The following RANBP10 variants were observed in gnomAD, a reference collection of about 807,000 sequenced individuals.
The protein encoded by RANBP10 is RAN binding protein 10, also known as ran-binding protein 10.
A neutral mutation model predicts 72.8 loss-of-function variants in RANBP10; 24 were observed. The observed-to-expected ratio is 0.33, with a 90% confidence interval of 0.24 to 0.46. The LOEUF is 0.46. Ranked by LOEUF, RANBP10 falls within the 20% of genes least tolerant of loss-of-function variation. RANBP10 has a pLI of 1.00. For missense variants in RANBP10, 679 were observed against 817.5 expected, an observed-to-expected ratio of 0.83 and a Z score of 2.07; for synonymous variants, 310 against 322.3, an observed-to-expected ratio of 0.96 and a Z score of 0.41.
At chr16:67,774,393 G>A (rs1450814413) in intron 2 of RANBP10, among the ~76,000 whole-genome samples, 1 of 152,212 alleles carries the variant, frequency 6.6e-6, no homozygotes, top group Non-Finnish European at 1.5e-5. Flanking sequence ...TGGGAATGGG[G>A]AATCACTAAA....
intron 2 of RANBP10, among the ~76,000 whole-genome samples, chr16:67,796,281 C>G (rs1483213162): frequency 6.6e-6 from 1 of 152,104 alleles, no homozygotes; most frequent in East Asian, 1.9e-4. Flanking sequence ...GTTATAAAAA[C>G]AGGGCATTCC....
chr16:67,761,609 A>G (rs2054395807), intron 3 of RANBP10, among the ~76,000 whole-genome samples: 2 of 152,152 alleles, frequency 1.3e-5, no homozygotes, highest in African/African-American at 4.8e-5. Context: ...TCACTTTGTC[A>G]CCCAGGCTGG....
chr16:67,772,090 C>CAAAAAAAAAAAAAAAAAAAAAAAAAAA lies in RANBP10; in HGVS notation c.348-5_348-4insTTTTTTTTTTTTTTTTTTTTTTTTTTT. The CAAAAAAAAAAAAAAAAAAAAAAAAAAA allele has an allele frequency of 7.6e-7, 1 of 1,312,736 alleles. No homozygotes were observed. Among genetic ancestry groups the CAAAAAAAAAAAAAAAAAAAAAAAAAAA allele is most frequent in the Non-Finnish European group, 9.8e-7 (1 of 1,021,522 alleles). The allele number at this position is 1,312,736 out of a possible 1,614,324, so 81.3% of individuals were successfully genotyped here. A position where few individuals can be genotyped will look rare whatever the true frequency, so the allele number is the denominator to read the frequency against. On this transcript the variant is annotated splice_polypyrimidine_tract_variant and splice_region_variant and intron_variant, in intron 2 of 13. Transcript: ENST00000317506. ...CGAGAGTCCTATTCCCATGTAACTT[C>CAAAAAAAAAAAAAAAAAAAAAAAAAAA]AAAAAAAAAAAAAAAAAAAACACAA...
chr16:67,788,146 C>T (rs1469332620), intron 2 of RANBP10, among the ~76,000 whole-genome samples: 1 of 150,542 alleles, frequency 6.6e-6, no homozygotes, highest in Non-Finnish European at 1.5e-5. Flanking sequence ...CTCAAGCAAT[C>T]CTCTTGCTTC....
chr16:67,785,583 C>T (rs911534618), intron 2 of RANBP10, among the ~76,000 whole-genome samples: 1 of 151,510 alleles, frequency 6.6e-6, no homozygotes, highest in Non-Finnish European at 1.5e-5. Context: ...CAAAAATTAG[C>T]CAGGTATGGT....
rs147479356 is a variant in RANBP10 at position 67,770,415 on chromosome 16, G to C, written c.400+1619C>G. Reference sequence around the variant, plus strand: ...AGTTGAATCCTAAGCATCCTAGATTGAAAGTATTAGAAATCAGTCTACTAG... The same window carrying C: ...AGTTGAATCCTAAGCATCCTAGATTCAAAGTATTAGAAATCAGTCTACTAG... On this transcript the variant is annotated intron_variant, in intron 3 of 13. Coordinates refer to ENST00000317506, the MANE Select transcript of RANBP10 (RefSeq NM_020850.3). Among the ~76,000 whole-genome samples, 494 of 152,048 alleles carry C rather than the reference G, an allele frequency of 3.2e-3. 5 individuals carry two copies. The highest frequency in any genetic ancestry group is 0.011 in the African/African-American group (460 of 41,474).
At chr16:67,794,830 A>T (rs1401402660) in intron 2 of RANBP10, among the ~76,000 whole-genome samples, 1 of 150,984 alleles carries the variant, frequency 6.6e-6, no homozygotes, top group Non-Finnish European at 1.5e-5. Flanking sequence ...GCCTAAAAAA[A>T]ATCCTACATA....
chr16:67,767,454 CAAAAAAAAAAA>C (rs1178049394), intron 3 of RANBP10, among the ~76,000 whole-genome samples: 69 of 64,060 alleles, frequency 1.1e-3, no homozygotes, highest in Non-Finnish European at 8.5e-4. Context: ...GACCCTGTTT[CAAAAAAAAAAA>C]AAAAAAAAAA....
intron 2 of RANBP10, among the ~76,000 whole-genome samples, chr16:67,775,786 C>T (rs990993701): frequency 6.4e-5 from 8 of 124,322 alleles, no homozygotes; most frequent in African/African-American, 1.1e-4. Context: ...AGTGAGACTC[C>T]GTCTAAAAAA....
At chr16:67,775,899 T>C (rs988936041) in intron 2 of RANBP10, among the ~76,000 whole-genome samples, 1 of 145,574 alleles carries the variant, frequency 6.9e-6, no homozygotes, top group Non-Finnish European at 1.5e-5. Flanking sequence ...TAATCCCAGC[T>C]CTTTGGGAGG....
chr16:67,806,357 C>T lies in RANBP10; in HGVS notation c.180G>A (p.Lys60=). The T allele has an allele frequency of 6.2e-7, 1 of 1,613,472 alleles. No individual in the cohort carries two copies. The highest frequency in any genetic ancestry group is 1.1e-5 in the South Asian group (1 of 90,976). Reference sequence around the variant, plus strand: ...AGAGACCAATGTAGTTGTATTTGTCCTTGGGGCTCCAGGAGCGCGGCAGCG... The same window carrying T: ...AGAGACCAATGTAGTTGTATTTGTCTTTGGGGCTCCAGGAGCGCGGCAGCG... The part of the protein sequence containing the change: ...ETPLPRSWSP[K]DKYNYIGLSQ... Residue 60 remains lysine, a synonymous_variant, in exon 1 of 14, where the codon AAG becomes AAA. Transcript: ENST00000317506.
chr16:67,769,562 G>A (rs980640222), intron 3 of RANBP10, among the ~76,000 whole-genome samples: 8 of 150,712 alleles, frequency 5.3e-5, no homozygotes, highest in African/African-American at 1.9e-4. Flanking sequence ...TGGCTAACAT[G>A]GTGAAACCCC....
chr16:67,796,482 T>A (rs1457595304), intron 2 of RANBP10, among the ~76,000 whole-genome samples: 1 of 152,020 alleles, frequency 6.6e-6, no homozygotes, highest in Non-Finnish European at 1.5e-5. Flanking sequence ...TCCAACCACC[T>A]CCACCCTGAG....
chr16:67,734,612 T>C (rs954155288), intron 6 of RANBP10, among the ~76,000 whole-genome samples: 3 of 151,912 alleles, frequency 2.0e-5, no homozygotes, highest in Non-Finnish European at 2.9e-5. Context: ...TGATCTTATA[T>C]ACAGGAGCCT....
At chr16:67,806,111 T>C (rs1044535963) in intron 1 of RANBP10, among the ~76,000 whole-genome samples, 191 bp downstream of exon 1, 1 of 152,198 alleles carries the variant, frequency 6.6e-6, no homozygotes, top group Non-Finnish European at 1.5e-5. Context: ...TGACGGCAGG[T>C]GTCTCAGGAC....
chr16:67,804,811 G>C (rs996498272), intron 2 of RANBP10, among the ~76,000 whole-genome samples: 6 of 152,090 alleles, frequency 3.9e-5, no homozygotes, highest in African/African-American at 1.4e-4. Flanking sequence ...TTACAGGCGT[G>C]AGCCACCGTG....
At chr16:67,772,448 G>A (rs28580313) in intron 2 of RANBP10, among the ~76,000 whole-genome samples, 10,693 of 152,196 alleles carry the variant, frequency 0.07, 528 homozygotes, top group Middle Eastern at 0.19. Flanking sequence ...CTCAATCCTA[G>A]GTAGTGCTTT....
chr16:67,745,130 G>A (rs1204475045), intron 3 of RANBP10, among the ~76,000 whole-genome samples: 5 of 140,158 alleles, frequency 3.6e-5, no homozygotes, highest in Non-Finnish European at 6.2e-5. Context: ...GTGCCCAGCC[G>A]ATGCCCAGCT....
intron 6 of RANBP10, among the ~76,000 whole-genome samples, chr16:67,732,099 C>T (rs1015703858): frequency 1.3e-5 from 2 of 152,218 alleles, no homozygotes; most frequent in Non-Finnish European, 2.9e-5. Flanking sequence ...CATTTCAGCC[C>T]TCCAGGTGAA....
Sources: allele counts gnomAD v4.1 joint callset (sites outside exome capture counted in the v4.1 genomes callset), GRCh38; gene constraint gnomAD v4.1.1; transcripts MANE v1.5; gene names NCBI Gene and HGNC (gene_info 2026-07-23, HGNC 2026-07-21).